The following VAC14 variants were observed in gnomAD, a reference collection of about 807,000 sequenced individuals.
VAC14 encodes VAC14 component of PIKFYVE complex.
VAC14 carries 47 observed loss-of-function variants against 85.3 expected under a neutral mutation model. The ratio of observed to expected loss-of-function variants is 0.55; its 90% confidence interval spans 0.44 to 0.70. The LOEUF is 0.70. Among genes scored for constraint, VAC14 ranks in the 30% least tolerant of loss-of-function variants. The pLI, the probability that VAC14 is intolerant of heterozygous loss-of-function variation, is 0.00. For synonymous variants in VAC14, 447 were observed against 430.5 expected (o/e 1.04, Z -0.47); for missense variants, 861 against 1,004.3 (o/e 0.86, Z 1.93).
intron 12 of VAC14, among the ~76,000 whole-genome samples, chr16:70,745,692 G>A (rs1352472794): frequency 6.6e-6 from 1 of 152,192 alleles, no homozygotes; most frequent in Non-Finnish European, 1.5e-5. Flanking sequence ...GACTATGCCT[G>A]TCCCCCCAAA....
chr16:70,783,479 T>C lies in VAC14; in HGVS notation c.670A>G (p.Ile224Val), dbSNP rs982709832. 2 of 1,614,102 alleles carry C rather than the reference T, an allele frequency of 1.2e-6. No homozygotes were observed. ...ATCTCTTTGCCATTGTCACCCAGGATCTGGAAGAGTCCATCCAGGATCTCC... is the reference window on the plus strand; with the variant it reads ...ATCTCTTTGCCATTGTCACCCAGGACCTGGAAGAGTCCATCCAGGATCTCC... ...LPEILDGLFQ[I>V]LGDNGKEIRK... Residue 224 changes from isoleucine (I) to valine (V), a missense_variant, in exon 6 of 19, where the codon ATC (isoleucine) becomes GTC (valine). Around this residue, in one of 3 missense-constraint regions of VAC14, gnomAD observed 629 missense variants for 703.1 expected, o/e 0.89. Transcript: ENST00000261776.
chr16:70,782,875 C>G (rs947756515), intron 7 of VAC14, among the ~76,000 whole-genome samples, 158 bp downstream of exon 7: 6 of 152,210 alleles, frequency 3.9e-5, no homozygotes, highest in African/African-American at 1.4e-4. Context: ...ACCCAGCACT[C>G]CACCTCTCCC....
intron 12 of VAC14, chr16:70,755,955 C>T (rs1371869344): frequency 2.2e-6 from 1 of 454,492 alleles, no homozygotes; most frequent in Admixed American, 2.4e-5. Context: ...TTTGGGGCTT[C>T]CCCCAGGTGG....
rs759163268 is a variant in VAC14, at chr16:70,687,946, G to A, written c.2331C>T (p.Asp777=). Residue 777 remains aspartate (D), a synonymous_variant, in exon 19 of 19, where the codon GAC becomes GAT. Transcript: ENST00000261776. ...AGGCCTGTCAGAGGACAACCCTCCGGTCCAGGTGGTCCCCACGCCCGCTCC... is the reference window on the plus strand; with the variant it reads ...AGGCCTGTCAGAGGACAACCCTCCGATCCAGGTGGTCCCCACGCCCGCTCC... ...HQRSGRGDHL[D]RRVVL 1.9e-6 allele frequency: 3 copies of A among 1,570,168 alleles called. No homozygotes were observed. The highest frequency in any genetic ancestry group is 3.5e-5 in the Admixed American group (2 of 56,454).
At chr16:70,797,859 C>T (rs540991315) in intron 1 of VAC14, among the ~76,000 whole-genome samples, 5 of 152,304 alleles carry the variant, frequency 3.3e-5, no homozygotes, top group Admixed American at 6.5e-5. Context: ...CCATGTGGGA[C>T]GCCTTGCTCC....
chr16:70,731,266 T>G (rs778522148), intron 14 of VAC14: 62 of 1,288,594 alleles, frequency 4.8e-5, no homozygotes, highest in Non-Finnish European at 6.0e-5. Flanking sequence ...AAGCAAAAAA[T>G]GAATTCAGTT....
intron 14 of VAC14, among the ~76,000 whole-genome samples, chr16:70,710,162 G>A (rs1285419364): frequency 6.6e-6 from 1 of 152,244 alleles, no homozygotes; most frequent in South Asian, 2.1e-4. Flanking sequence ...CACACAGCCA[G>A]GGCCACAGAG....
intron 1 of VAC14, among the ~76,000 whole-genome samples, chr16:70,788,445 T>C (rs1042511283): frequency 3.3e-5 from 5 of 152,206 alleles, no homozygotes; most frequent in African/African-American, 1.2e-4. Context: ...CCCCTTGCTT[T>C]CGTCTTTATG....
intron 12 of VAC14, among the ~76,000 whole-genome samples, chr16:70,760,026 A>G (rs2032196135): frequency 6.6e-6 from 1 of 152,170 alleles, no homozygotes; most frequent in Admixed American, 6.5e-5. Context: ...GACACAAGTG[A>G]AGGGTCTAGC....
chr16:70,778,648 T>C (rs184736503), intron 9 of VAC14: 1 of 152,290 alleles, frequency 6.6e-6, no homozygotes, highest in Admixed American at 6.5e-5. Flanking sequence ...ACTGTTACTC[T>C]ATTTTCTGAC....
At chr16:70,763,939 C>T (rs1444082929) in intron 10 of VAC14, among the ~76,000 whole-genome samples, 1 of 152,128 alleles carries the variant, frequency 6.6e-6, no homozygotes, top group African/African-American at 2.4e-5. Context: ...TGGGGAGGGG[C>T]TCCCTTCCTA....
intron 13 of VAC14, among the ~76,000 whole-genome samples, chr16:70,741,523 T>A (rs569906557): frequency 6.0e-4 from 91 of 152,326 alleles, no homozygotes; most frequent in Middle Eastern, 3.4e-3. Flanking sequence ...TGCACACACA[T>A]GGATCTGCTT....
chr16:70,800,526 G>A (rs1225644299), intron 1 of VAC14, among the ~76,000 whole-genome samples: 2 of 152,200 alleles, frequency 1.3e-5, no homozygotes, highest in African/African-American at 4.8e-5. Flanking sequence ...CATGCACTGT[G>A]CAAAGCACTA....
At chr16:70,757,364 G>T (rs1191003802) in intron 12 of VAC14, among the ~76,000 whole-genome samples, 1 of 152,222 alleles carries the variant, frequency 6.6e-6, no homozygotes, top group Non-Finnish European at 1.5e-5. Context: ...TGCGAGTCGG[G>T]GAAGTGGCGC....
chr16:70,754,590 C>A (rs114893593), intron 12 of VAC14, among the ~76,000 whole-genome samples: 2,880 of 152,224 alleles, frequency 0.019, 90 homozygotes, highest in African/African-American at 0.064. Flanking sequence ...AGGGCAGTGT[C>A]CCCTGCCCAC....
At chr16:70,789,166 C>G (rs189973192) in intron 1 of VAC14, among the ~76,000 whole-genome samples, 2 of 152,294 alleles carry the variant, frequency 1.3e-5, no homozygotes, top group South Asian at 2.1e-4. Flanking sequence ...AGGACTCAAA[C>G]AGTAACACAG....
At chr16:70,735,281 G>A (rs978847783) in intron 13 of VAC14, among the ~76,000 whole-genome samples, 1 of 151,980 alleles carries the variant, frequency 6.6e-6, no homozygotes, top group African/African-American at 2.4e-5. Context: ...CTGGACCAGT[G>A]AGGAAATGGC....
intron 4 of VAC14, among the ~76,000 whole-genome samples, 198 bp from the exon 5 acceptor site, chr16:70,784,418 G>C (rs1159143963): frequency 6.6e-6 from 1 of 152,168 alleles, no homozygotes; most frequent in Non-Finnish European, 1.5e-5. Context: ...TAGATTGAAA[G>C]CAGGAAGCAA....
At chr16:70,694,039 T>C (rs2053655620) in intron 17 of VAC14, among the ~76,000 whole-genome samples, 1 of 152,232 alleles carries the variant, frequency 6.6e-6, no homozygotes, top group South Asian at 2.1e-4. Context: ...TTTCTTCCCT[T>C]TGGGCCTTTG....
Sources: gnomAD v4.1 joint callset for allele counts (sites outside exome capture counted in the v4.1 genomes callset) on GRCh38, gnomAD v4.1.1 for gene constraint, gnomAD v4.1.1 regional missense constraint, MANE v1.5 for transcripts, NCBI Gene and HGNC (gene_info 2026-07-23, HGNC 2026-07-21) for gene names.